Variants in PLA2G4A observed in about 807,000 individuals in gnomAD.
The protein encoded by PLA2G4A is phospholipase A2 group IVA, also known as cytosolic phospholipase A2.
PLA2G4A carries 40 observed loss-of-function variants against 81.9 expected under a neutral mutation model. The ratio of observed to expected loss-of-function variants is 0.49; its 90% CI spans 0.38 to 0.64. PLA2G4A has a LOEUF of 0.64. Among genes scored for constraint, PLA2G4A ranks in the 30% least tolerant of loss-of-function variants. The pLI is 0.00. For missense variants in PLA2G4A, 715 were observed against 905.1 expected (o/e 0.79, Z 2.69); for synonymous variants, 302 against 296.9 (o/e 1.02, Z -0.18).
intron 7 of PLA2G4A, among the ~76,000 whole-genome samples, chr1:186,919,668 T>A (rs1655275165): frequency 6.6e-6 from 1 of 152,190 alleles, no homozygotes; most frequent in East Asian, 1.9e-4. Context: ...ATCTTCCCAC[T>A]GAAAGGCAAA....
chr1:186,976,427 T>C (rs891568529), intron 15 of PLA2G4A, among the ~76,000 whole-genome samples: 1 of 152,204 alleles, frequency 6.6e-6, no homozygotes, highest in African/African-American at 2.4e-5. Flanking sequence ...GGCATTTATT[T>C]ATTAAACATT....
At chr1:186,874,217 C>T (rs2102066315) in intron 3 of PLA2G4A, among the ~76,000 whole-genome samples, 2 of 152,186 alleles carry the variant, frequency 1.3e-5, no homozygotes, top group Admixed American at 1.3e-4. Context: ...GATATGTTTG[C>T]AGAATGGCTG....
At position 186,894,084 on chromosome 1, in the gene PLA2G4A, A is replaced by G. The variant is rs1024217830; in HGVS notation, c.265-14A>G. On this transcript the variant is annotated splice_polypyrimidine_tract_variant and intron_variant, in intron 4 of 17. Coordinates refer to ENST00000367466, the MANE Select transcript of PLA2G4A (RefSeq NM_024420.3). ...GGGAAATTTTATTTTTGTGCTTTACATTTTACTCTGTAGATTACGTTAATG... is the reference window on the plus strand; with the variant it reads ...GGGAAATTTTATTTTTGTGCTTTACGTTTTACTCTGTAGATTACGTTAATG... 1 of 990,702 alleles carries G rather than the reference A, an allele frequency of 1.0e-6. No homozygotes were observed. The highest frequency in any genetic ancestry group is 1.6e-6 in the Non-Finnish European group (1 of 610,314). The allele number at this position is 990,702 out of a possible 1,614,324, so 61.4% of individuals were successfully genotyped here.
chr1:186,943,676 G>A (rs543355090), intron 10 of PLA2G4A, among the ~76,000 whole-genome samples: 1 of 152,136 alleles, frequency 6.6e-6, no homozygotes, highest in East Asian at 1.9e-4. Context: ...GAAACAATAT[G>A]AGAAAATGCT....
Position 186,940,012 on chromosome 1 carries a change from A to C in PLA2G4A, c.951A>C (p.Glu317Asp). 1 of 1,601,456 alleles carries C rather than the reference A, an allele frequency of 6.2e-7. No individual in the cohort carries two copies. Among genetic ancestry groups the C allele is most frequent in the Non-Finnish European group, 8.6e-7 (1 of 1,168,552 alleles). Residue 317 changes from glutamate (E) to aspartate (D), a missense_variant, in exon 10 of 18, where the codon GAA (glutamate) becomes GAC (aspartate). Glu to Asp is a conservative substitution (Grantham distance 45). Transcript: ENST00000367466. ...ATACTACTCTGAGCAGTTTGAAGGA[A>C]AAAGTTAATACTGCACAATGCCCTT... ...RMNTTLSSLK[E>D]KVNTAQCPLP...
At chr1:186,872,289 G>A (rs1446326474) in intron 3 of PLA2G4A, among the ~76,000 whole-genome samples, 1 of 151,908 alleles carries the variant, frequency 6.6e-6, no homozygotes, top group African/African-American at 2.4e-5. Context: ...AGGCCCCTGC[G>A]AAAGAGAAGC....
chr1:186,904,821 A>G (rs930074661), intron 5 of PLA2G4A, among the ~76,000 whole-genome samples: 4 of 151,976 alleles, frequency 2.6e-5, no homozygotes, highest in African/African-American at 7.3e-5. Context: ...CTTTTATTCA[A>G]TGGAGCTGTC....
intron 17 of PLA2G4A, among the ~76,000 whole-genome samples, chr1:186,987,882 CT>C (rs1213918006): frequency 2.0e-5 from 3 of 152,114 alleles, no homozygotes; most frequent in Non-Finnish European, 4.4e-5. Flanking sequence ...ATAGAGGAGG[CT>C]CATGTTTTAT....
At chr1:186,906,877 G>A in intron 5 of PLA2G4A, 88 bp from the exon 6 acceptor site, 1 of 710,050 alleles carries the variant, frequency 1.4e-6, no homozygotes, top group Non-Finnish European at 2.5e-6. Context: ...AAAATAATCT[G>A]GCACTCAAAA....
At chr1:186,862,879 A>G (rs1652864920) in intron 2 of PLA2G4A, among the ~76,000 whole-genome samples, 1 of 152,186 alleles carries the variant, frequency 6.6e-6, no homozygotes, top group Non-Finnish European at 1.5e-5. Flanking sequence ...AGTCACTGTT[A>G]CTCCAGAAGA....
At chr1:186,834,176 A>G (rs1298023676) in intron 1 of PLA2G4A, among the ~76,000 whole-genome samples, 2 of 152,062 alleles carry the variant, frequency 1.3e-5, no homozygotes, top group African/African-American at 4.8e-5. Context: ...TTGTTTTGTT[A>G]TTTAATTTAC....
At chr1:186,935,593 A>G (rs983529278) in intron 8 of PLA2G4A, among the ~76,000 whole-genome samples, 1 of 151,942 alleles carries the variant, frequency 6.6e-6, no homozygotes, top group Non-Finnish European at 1.5e-5. Context: ...GATTGAAAGC[A>G]CAGGTGAAGG....
intron 10 of PLA2G4A, 76 bp from the exon 11 acceptor site, chr1:186,946,561 A>G (rs1041333827): frequency 1.0e-6 from 1 of 984,406 alleles, no homozygotes; most frequent in Admixed American, 1.7e-5. Context: ...ACATTATTAA[A>G]GTGATCATTA....
chr1:186,933,397 A>AT (rs1655823784), intron 8 of PLA2G4A, among the ~76,000 whole-genome samples: 1 of 152,168 alleles, frequency 6.6e-6, no homozygotes, highest in African/African-American at 2.4e-5. Context: ...TATTTCATTG[A>AT]TTTTCATCTA....
At chr1:186,900,936 G>T (rs1654515536) in intron 5 of PLA2G4A, among the ~76,000 whole-genome samples, 1 of 152,080 alleles carries the variant, frequency 6.6e-6, no homozygotes, top group Non-Finnish European at 1.5e-5. Flanking sequence ...GCTTATTCAT[G>T]AGTGCAACTT....
chr1:186,835,520 C>T (rs925176963), intron 1 of PLA2G4A, among the ~76,000 whole-genome samples: 17 of 152,246 alleles, frequency 1.1e-4, no homozygotes, highest in African/African-American at 3.6e-4. Context: ...TAGACTGCTG[C>T]GTCTATCATT....
intron 3 of PLA2G4A, among the ~76,000 whole-genome samples, chr1:186,888,861 G>A (rs957811317): frequency 1.3e-5 from 2 of 151,744 alleles, no homozygotes; most frequent in Admixed American, 6.6e-5. Flanking sequence ...AAAAAAAAGA[G>A]CATTGGCCTT....
intron 17 of PLA2G4A, among the ~76,000 whole-genome samples, chr1:186,983,531 C>T (rs890030256): frequency 6.6e-6 from 1 of 152,192 alleles, no homozygotes; most frequent in Non-Finnish European, 1.5e-5. Context: ...TTTGCCAAAG[C>T]TAAATTTCAG....
intron 3 of PLA2G4A, among the ~76,000 whole-genome samples, chr1:186,876,146 G>A (rs1473647667): frequency 2.0e-5 from 3 of 152,080 alleles, no homozygotes; most frequent in African/African-American, 7.2e-5. Flanking sequence ...TCTGATGTGG[G>A]CCTTGTAATG....
Sources: allele counts gnomAD v4.1 joint callset (sites outside exome capture counted in the v4.1 genomes callset), GRCh38; gene constraint gnomAD v4.1.1; transcripts MANE v1.5; gene names NCBI Gene and HGNC (gene_info 2026-07-23, HGNC 2026-07-21).